Variants in TRIM9 observed in about 807,000 individuals in gnomAD.
TRIM9 encodes the protein E3 ubiquitin-protein ligase TRIM9.
In TRIM9, 26 loss-of-function variants were observed where a neutral mutation model predicts 78.3. That is an observed-to-expected ratio of 0.33 (90% CI 0.24 to 0.46). The LOEUF (loss-of-function observed/expected upper bound fraction) is 0.46, where lower values mean the gene tolerates loss of function less well. Among genes scored for constraint, TRIM9 ranks in the 20% least tolerant of loss-of-function variants. TRIM9 has a pLI of 1.00. For missense variants in TRIM9, 787 were observed against 1,036.4 expected (o/e 0.76, Z 3.30); for synonymous variants, 398 against 416.5 (o/e 0.96, Z 0.54).
chr14:51,069,482 C>T (rs80268329), intron 1 of TRIM9, among the ~76,000 whole-genome samples: 1 of 152,140 alleles, frequency 6.6e-6, no homozygotes, highest in Admixed American at 6.6e-5. Flanking sequence ...CAAAGAATTG[C>T]CCATCCCCAA....
chr14:51,084,885 C>G (rs1327480861), intron 1 of TRIM9, among the ~76,000 whole-genome samples: 1 of 152,120 alleles, frequency 6.6e-6, no homozygotes, highest in African/African-American at 2.4e-5. Flanking sequence ...TTTGGATGAG[C>G]TGGGCTTACA....
intron 1 of TRIM9, among the ~76,000 whole-genome samples, chr14:51,065,977 GGCCTGT>G (rs1378848098): frequency 6.6e-6 from 1 of 151,360 alleles, no homozygotes. Context: ...TCAAATACAG[GGCCTGT>G]GCCATCAACT....
At chr14:51,030,250 G>C (rs1403347029) in intron 1 of TRIM9, among the ~76,000 whole-genome samples, 2 of 152,210 alleles carry the variant, frequency 1.3e-5, no homozygotes, top group Non-Finnish European at 2.9e-5. Flanking sequence ...GGTACTTGGG[G>C]AACCATCAAG....
intron 1 of TRIM9, among the ~76,000 whole-genome samples, chr14:51,078,484 TATATAAATAC>T (rs1312571734): frequency 6.6e-6 from 1 of 152,112 alleles, no homozygotes; most frequent in East Asian, 1.9e-4. Flanking sequence ...TATGTATACA[TATATAAATAC>T]ATATATACAC....
intron 1 of TRIM9, among the ~76,000 whole-genome samples, chr14:51,084,946 A>G (rs1313352854): frequency 6.6e-6 from 1 of 152,248 alleles, no homozygotes; most frequent in Non-Finnish European, 1.5e-5. Flanking sequence ...CTACAAAATC[A>G]CAAAGCCTGT....
intron 1 of TRIM9, among the ~76,000 whole-genome samples, chr14:51,034,720 GA>G (rs2058997025): frequency 6.6e-6 from 1 of 152,138 alleles, no homozygotes; most frequent in Non-Finnish European, 1.5e-5. Flanking sequence ...ATAAATTATA[GA>G]GACCTATACA....
chr14:51,054,822 A>G (rs1566620990), intron 1 of TRIM9, among the ~76,000 whole-genome samples: 1 of 151,670 alleles, frequency 6.6e-6, no homozygotes, highest in Non-Finnish European at 1.5e-5. Flanking sequence ...TACAGGCGTG[A>G]GCCACTGTGC....
At chr14:51,074,400 A>G (rs2062573536) in intron 1 of TRIM9, among the ~76,000 whole-genome samples, 1 of 152,232 alleles carries the variant, frequency 6.6e-6, no homozygotes, top group Non-Finnish European at 1.5e-5. Context: ...GTCTTCCCCC[A>G]AGAAGTTTAG....
chr14:51,038,536 G>A (rs1295168072), intron 1 of TRIM9, among the ~76,000 whole-genome samples: 2 of 152,174 alleles, frequency 1.3e-5, no homozygotes, highest in African/African-American at 4.8e-5. Flanking sequence ...TTAAGTTGGA[G>A]AGAGGAAAGC....
At position 51,077,757 on chromosome 14, in the gene TRIM9, T is replaced by C. The variant is rs953139196; in HGVS notation, c.822+16361A>G. On this transcript the variant is annotated intron_variant, in intron 1 of 12. Coordinates refer to ENST00000684578, the MANE Select transcript of TRIM9 (RefSeq NM_001387360.1). ...ACATTCCTGGTGGAAAAGACACGGA[T>C]ATGAAATCACATCTCATAGCATAGT... Among the ~76,000 whole-genome samples the C allele has an allele frequency of 2.6e-5, 4 of 152,200 alleles. No individual in the cohort carries two copies. In the East Asian group the frequency reaches 5.8e-4, roughly 22 times the overall value.
At chr14:51,003,082 T>C (rs1385097369) in intron 5 of TRIM9, among the ~76,000 whole-genome samples, 2 of 152,224 alleles carry the variant, frequency 1.3e-5, no homozygotes, top group Admixed American at 1.3e-4. Context: ...ACATAATGCC[T>C]TCTAATGAGA....
At chr14:51,085,966 T>C (rs1185408370) in intron 1 of TRIM9, among the ~76,000 whole-genome samples, 2 of 152,210 alleles carry the variant, frequency 1.3e-5, no homozygotes, top group East Asian at 3.8e-4. Flanking sequence ...ATACCTCCGA[T>C]GATCTGGTCT....
chr14:51,094,384 C>T lies in TRIM9; in HGVS notation c.556G>A (p.Asp186Asn), dbSNP rs952134383. 6.2e-7 allele frequency: 1 copy of T among 1,613,848 alleles called. No individual in the cohort carries two copies. The highest frequency in any genetic ancestry group is 8.5e-7 in the Non-Finnish European group (1 of 1,179,986). ...KEATVMCEQCDVFYCDPCRLR... is the reference protein window; with the variant it reads ...KEATVMCEQCNVFYCDPCRLR... ...CGGCACGGATCGCAGTAGAAGACAT[C>T]GCACTGTTCGCACATGACGGTGGCT... Residue 186 changes from aspartate to asparagine, a missense_variant, in exon 1 of 13, where the codon GAT becomes AAT. Asp to Asn is a conservative substitution (Grantham distance 23). This residue lies in a region of TRIM9 where 352 missense variants were observed against 472.3 expected (regional missense o/e 0.75). Transcript: ENST00000684578.
intron 1 of TRIM9, among the ~76,000 whole-genome samples, chr14:51,085,860 T>C (rs1177898460): frequency 6.6e-6 from 1 of 152,198 alleles, no homozygotes; most frequent in African/African-American, 2.4e-5. Context: ...GCTGGTAAAA[T>C]CTTACTGTCT....
chr14:50,997,750 A>AG (rs1260179714), intron 7 of TRIM9: 2 of 1,322,416 alleles, frequency 1.5e-6, no homozygotes, highest in African/African-American at 2.9e-5. Context: ...CTTACACACC[A>AG]GGGGCACATT....
intron 8 of TRIM9, among the ~76,000 whole-genome samples, chr14:50,985,669 C>A (rs1229289956): frequency 6.6e-6 from 1 of 152,168 alleles, no homozygotes; most frequent in East Asian, 1.9e-4. Flanking sequence ...GATGACAGAG[C>A]GGGTTATCCA....
chr14:51,019,079 A>G (rs1025850287), intron 3 of TRIM9, among the ~76,000 whole-genome samples: 4 of 152,246 alleles, frequency 2.6e-5, no homozygotes, highest in Non-Finnish European at 4.4e-5. Context: ...TAATGGCACA[A>G]TTTAGTTTAA....
At chr14:51,047,786 T>C (rs1006942669) in intron 1 of TRIM9, among the ~76,000 whole-genome samples, 5 of 152,276 alleles carry the variant, frequency 3.3e-5, no homozygotes, top group South Asian at 2.1e-4. Context: ...AAGCTTTCAA[T>C]TGGGGGAACA....
At chr14:50,978,469 C>T (rs2051352913) in intron 12 of TRIM9, among the ~76,000 whole-genome samples, 1 of 152,192 alleles carries the variant, frequency 6.6e-6, no homozygotes, top group Admixed American at 6.5e-5. Context: ...TGCAAGGCCC[C>T]TCATGCCTTA....
Sources: gnomAD v4.1 joint callset for allele counts (sites outside exome capture counted in the v4.1 genomes callset) on GRCh38, gnomAD v4.1.1 for gene constraint, gnomAD v4.1.1 regional missense constraint, MANE v1.5 for transcripts, NCBI Gene and HGNC (gene_info 2026-07-23, HGNC 2026-07-21) for gene names.